Variants in CDC37L1 observed in about 807,000 individuals in gnomAD.
CDC37L1 encodes hsp90 co-chaperone Cdc37-like 1.
Under a neutral mutation model 45.9 loss-of-function variants are expected in CDC37L1, and 32 were observed. The observed-to-expected ratio is 0.70, with a 90% CI of 0.53 to 0.94. The LOEUF (loss-of-function observed/expected upper bound fraction) is 0.94. Ranked by LOEUF, CDC37L1 falls within the 40% of genes least tolerant of loss-of-function variation. CDC37L1 has a pLI of 0.00. For missense variants in CDC37L1, 434 were observed against 405.7 expected, an observed-to-expected ratio of 1.07 and a Z score of -0.60; for synonymous variants, 150 against 133.0, an observed-to-expected ratio of 1.13 and a Z score of -0.88.
intron 6 of CDC37L1, chr9:4,703,121 A>C (rs1330034029): frequency 6.5e-7 from 1 of 1,534,940 alleles, no homozygotes; most frequent in Non-Finnish European, 8.8e-7. Flanking sequence ...AGCCAGTTTA[A>C]TCTGTTGTCT....
chr9:4,705,124 T>C (rs991434157), intron 6 of CDC37L1, among the ~76,000 whole-genome samples: 5 of 152,134 alleles, frequency 3.3e-5, no homozygotes, highest in African/African-American at 1.2e-4. Flanking sequence ...CAACCTCCTA[T>C]TGGATGGTGA....
rs1841445845 is a variant in CDC37L1, at chr9:4,706,739, T to C, written c.*627T>C. On this transcript the variant is annotated 3_prime_UTR_variant, in exon 7 of 7. Transcript: ENST00000381854. ...TACATTACATTTACCCTCAAATTAT[T>C]CTCAAAACTATATTCCTTAGAATTT... is the stretch of plus-strand genomic sequence containing the variant. 1.3e-5 allele frequency: 2 copies of C among 152,364 alleles called. No individual in the cohort carries two copies. The highest frequency in any genetic ancestry group is 4.1e-4 in the South Asian group (2 of 4,830). 9.4% of individuals were successfully genotyped at this position (152,364 alleles called of 1,614,324 possible).
chr9:4,705,261 G>A (rs1195895399), intron 6 of CDC37L1, among the ~76,000 whole-genome samples: 1 of 152,158 alleles, frequency 6.6e-6, no homozygotes, highest in African/African-American at 2.4e-5. Context: ...CGGAACAATT[G>A]AGTAGACAAA....
At chr9:4,687,655 G>A (rs960081082) in intron 2 of CDC37L1, among the ~76,000 whole-genome samples, 9 of 137,916 alleles carry the variant, frequency 6.5e-5, no homozygotes, top group Non-Finnish European at 1.4e-4. Context: ...CTCCAGCCTG[G>A]GTGACAGAGC....
chr9:4,699,022 C>G (rs1049419548), intron 5 of CDC37L1, among the ~76,000 whole-genome samples: 28 of 151,778 alleles, frequency 1.8e-4, no homozygotes, highest in Non-Finnish European at 1.5e-5. Context: ...TTAAAAATTC[C>G]TCAGTTTTCA....
intron 3 of CDC37L1, among the ~76,000 whole-genome samples, chr9:4,694,659 T>G (rs1013211457): frequency 6.6e-6 from 1 of 151,900 alleles, no homozygotes; most frequent in Non-Finnish European, 1.5e-5. Context: ...GATCATGAGG[T>G]TAGGAGTTCG....
intron 3 of CDC37L1, among the ~76,000 whole-genome samples, chr9:4,696,435 G>C (rs933109791): frequency 1.2e-4 from 18 of 152,040 alleles, no homozygotes; most frequent in African/African-American, 4.3e-4. Flanking sequence ...CTTGAGGCCA[G>C]GAGTTCAAGA....
intron 1 of CDC37L1, among the ~76,000 whole-genome samples, chr9:4,680,424 G>GC (rs1252557894): frequency 1.3e-5 from 2 of 152,130 alleles, no homozygotes; most frequent in African/African-American, 4.8e-5. Flanking sequence ...TTTGACGCTG[G>GC]CGTACACCTC....
intron 6 of CDC37L1, among the ~76,000 whole-genome samples, chr9:4,704,084 A>C (rs1841422899): frequency 6.6e-6 from 1 of 152,236 alleles, no homozygotes; most frequent in Non-Finnish European, 1.5e-5. Context: ...TGAAAGACCA[A>C]ATCATCAGTT....
At chr9:4,703,142 A>G in intron 6 of CDC37L1, 1 of 1,512,402 alleles carries the variant, frequency 6.6e-7, no homozygotes, top group South Asian at 1.3e-5. Flanking sequence ...ACATTGTGAG[A>G]AGGAAAGTCT....
chr9:4,704,683 G>C (rs377638444), intron 6 of CDC37L1, among the ~76,000 whole-genome samples: 2 of 151,998 alleles, frequency 1.3e-5, no homozygotes, highest in South Asian at 4.1e-4. Flanking sequence ...CAATAATATT[G>C]GTCATTTTTG....
At chr9:4,704,967 G>C (rs753240862) in intron 6 of CDC37L1, among the ~76,000 whole-genome samples, 1 of 152,150 alleles carries the variant, frequency 6.6e-6, no homozygotes, top group Non-Finnish European at 1.5e-5. Context: ...GAGTGTCCCA[G>C]ACCTCAGTCA....
intron 2 of CDC37L1, 39 bp from the exon 3 acceptor site, chr9:4,688,474 A>G: frequency 1.8e-6 from 2 of 1,089,562 alleles, no homozygotes; most frequent in Non-Finnish European, 2.6e-6. Context: ...TTCAATTAGA[A>G]TTTAAAATCT....
chr9:4,680,087 G>T (rs933921639), intron 1 of CDC37L1, among the ~76,000 whole-genome samples, 188 bp downstream of exon 1: 2 of 152,130 alleles, frequency 1.3e-5, no homozygotes, highest in African/African-American at 4.8e-5. Context: ...GGGCAGACGG[G>T]GTGGCCATAT....
Position 4,681,974 on chromosome 9 carries a change from C to T in CDC37L1, c.132+2075C>T, listed in dbSNP as rs562919231. On this transcript the variant is annotated intron_variant, in intron 1 of 6. Transcript: ENST00000381854. ...TAATATTTTATTTAATATCTGAATA[C>T]ATGTTGGATAGTTTGCCCAAATGGC... Among the ~76,000 whole-genome samples, 11 of 152,176 alleles carry T rather than the reference C, an allele frequency of 7.2e-5. No individual in the cohort carries two copies. In the East Asian group the frequency reaches 1.9e-3, roughly 27 times the overall value.
Position 4,682,720 on chromosome 9 carries a change from G to A in CDC37L1, c.133-2157G>A, listed in dbSNP as rs183014819. 9.6e-3 allele frequency among the ~76,000 whole-genome samples: 1,462 copies of A among 151,978 alleles called. 32 individuals carry two copies. The highest frequency in any genetic ancestry group is 0.051 in the Admixed American group (784 of 15,266). On this transcript the variant is annotated intron_variant, in intron 1 of 6. Transcript: ENST00000381854. ...ACTCCTGACCTCAGGTAATCCGCCC[G>A]CCTCAGCCTCCCAAAGTGCTGGGAT...
rs1184195403 is a variant in CDC37L1 at position 4,701,983 on chromosome 9, C to G, written c.867C>G (p.Pro289=). The G allele has an allele frequency of 1.9e-6, 3 of 1,539,106 alleles. No individual in the cohort carries two copies. In the East Asian group the frequency reaches 7.2e-5, roughly 37 times the overall value. The stretch of plus-strand genomic sequence containing the variant: ...CTATGACAGTTCAGAATCATGTTCC[C>G]CATTCTGGTGTTGGATCTATAGGTT... ...FQPMTVQNHV[P]HSGVGSIGLL... is the part of the protein sequence containing the mutation. The change falls in exon 6 of 7, where the codon CCC becomes CCG. Residue 289 remains proline, a synonymous_variant. Transcript: ENST00000381854.
intron 3 of CDC37L1, among the ~76,000 whole-genome samples, chr9:4,690,122 G>A (rs1242881850): frequency 2.0e-5 from 3 of 152,212 alleles, no homozygotes; most frequent in Non-Finnish European, 2.9e-5. Context: ...CTGCTTCTGG[G>A]TAGTGATGTT....
intron 2 of CDC37L1, among the ~76,000 whole-genome samples, chr9:4,686,162 C>T (rs1270432263): frequency 6.6e-6 from 1 of 152,130 alleles, no homozygotes; most frequent in Non-Finnish European, 1.5e-5. Flanking sequence ...CAGTGAAACA[C>T]ATCTCAAACT....
Sources: allele counts gnomAD v4.1 joint callset (sites outside exome capture counted in the v4.1 genomes callset), GRCh38; gene constraint gnomAD v4.1.1; transcripts MANE v1.5; gene names NCBI Gene and HGNC (gene_info 2026-07-23, HGNC 2026-07-21).